DLG2: variants seen among roughly 807,000 people sequenced by gnomAD.
The protein encoded by DLG2 is discs large MAGUK scaffold protein 2, also known as disks large homolog 2.
DLG2 carries 45 observed loss-of-function variants against 132.5 expected under a neutral mutation model. That is an observed-to-expected ratio of 0.34 (90% CI 0.27 to 0.44). The LOEUF is 0.44. DLG2 is among the 20% of genes least tolerant of loss of function. The probability of loss-of-function intolerance (pLI) is 1.00; values close to 1 mark genes in which losing one functional copy is unlikely to be tolerated. For synonymous variants in DLG2, 424 were observed against 419.6 expected (o/e 1.01, Z -0.13); for missense variants, 1,045 against 1,196.9 (o/e 0.87, Z 1.87).
intron 3 of DLG2, among the ~76,000 whole-genome samples, chr11:85,561,565 C>T (rs1284234971): frequency 6.6e-6 from 1 of 151,434 alleles, no homozygotes; most frequent in African/African-American, 2.4e-5. Context: ...AGTAATAGTA[C>T]AATGAAGGCA....
intron 6 of DLG2, among the ~76,000 whole-genome samples, chr11:84,735,150 C>T (rs949030300): frequency 6.6e-6 from 1 of 152,104 alleles, no homozygotes; most frequent in Admixed American, 6.6e-5. Context: ...ATGCTGGGCT[C>T]ATAAAATGAG....
rs781411791 is a variant in DLG2, at chr11:84,591,223, C to CTGTGTGTGTGTGTGTG, written c.358-56508_358-56493dup. On this transcript the variant is annotated intron_variant, in intron 6 of 27. Coordinates refer to ENST00000376104, the MANE Select transcript of DLG2 (RefSeq NM_001142699.3). ...TAAACACTGCTATATATGTGTCTCT[C>CTGTGTGTGTGTGTGTG]TGTGTGTGTGTGTGTGTGTGTGTGT... is the stretch of plus-strand genomic sequence containing the variant. Among the ~76,000 whole-genome samples the CTGTGTGTGTGTGTGTG allele has an allele frequency of 2.5e-3, 355 of 139,276 alleles. 1 individual carries two copies. Among genetic ancestry groups the CTGTGTGTGTGTGTGTG allele is most frequent in the Middle Eastern group, 0.022 (6 of 276 alleles). The allele number at this position is 139,276 out of a possible 152,430, so 91.4% of individuals were successfully genotyped here.
At chr11:84,654,195 A>G (rs1373300242) in intron 6 of DLG2, among the ~76,000 whole-genome samples, 2 of 152,076 alleles carry the variant, frequency 1.3e-5, no homozygotes, top group East Asian at 3.9e-4. Flanking sequence ...TGTAACCCCC[A>G]TATCCTCCTT....
intron 21 of DLG2, among the ~76,000 whole-genome samples, chr11:83,527,236 T>G (rs1306986096): frequency 6.6e-6 from 1 of 152,164 alleles, no homozygotes; most frequent in Non-Finnish European, 1.5e-5. Flanking sequence ...CCAGTTCAAT[T>G]TACTTCTTTA....
chr11:84,901,060 T>G lies in DLG2; in HGVS notation c.357+210601A>C, dbSNP rs561692763. 5.8e-4 allele frequency among the ~76,000 whole-genome samples: 88 copies of G among 152,070 alleles called. 1 individual carries two copies. Among genetic ancestry groups the G allele is most frequent in the Non-Finnish European group, 9.6e-4 (65 of 67,976 alleles). ...TAACAAAATAAAAGGTAGAATAAAA[T>G]GTTTTTAATGTAAAAGAAAAAGCAA... On this transcript the variant is annotated intron_variant, in intron 6 of 27. Transcript: ENST00000376104.
intron 6 of DLG2, among the ~76,000 whole-genome samples, chr11:85,039,616 G>A (rs2061682526): frequency 6.6e-6 from 1 of 151,762 alleles, no homozygotes; most frequent in Non-Finnish European, 1.5e-5. Context: ...CTGCAAAACA[G>A]TACTATATTA....
At position 83,840,779 on chromosome 11, in the gene DLG2, T is replaced by C. The variant is rs892292595; in HGVS notation, c.1566-7009A>G. On this transcript the variant is annotated intron_variant, in intron 16 of 27. Transcript: ENST00000376104. ...CTGCCAGTGTGAGACTCTGCCTTGT[T>C]AGAAGTTTGATGGTGCATTTGACAT... Among the ~76,000 whole-genome samples the C allele has an allele frequency of 2.0e-5, 3 of 152,362 alleles. No individual in the cohort carries two copies. The South Asian group carries it at 6.2e-4, about 32-fold the overall frequency.
chr11:83,981,167 T>A (rs1212148129), intron 11 of DLG2, among the ~76,000 whole-genome samples: 1 of 152,172 alleles, frequency 6.6e-6, no homozygotes, highest in African/African-American at 2.4e-5. Flanking sequence ...GCAAGAGCCA[T>A]GAATAAGTTA....
intron 3 of DLG2, among the ~76,000 whole-genome samples, chr11:85,594,629 TAA>T (rs1169612032): frequency 2.6e-5 from 4 of 152,158 alleles, no homozygotes; most frequent in African/African-American, 9.6e-5. Context: ...TAATTTTCAA[TAA>T]GTTACAAAAA....
At chr11:85,482,376 T>C (rs1160468154) in intron 3 of DLG2, among the ~76,000 whole-genome samples, 1 of 152,064 alleles carries the variant, frequency 6.6e-6, no homozygotes, top group African/African-American at 2.4e-5. Context: ...GCCTTCCCAG[T>C]GCAAGGCCAG....
At chr11:84,642,065 C>CAT (rs34760163) in intron 6 of DLG2, among the ~76,000 whole-genome samples, 20,226 of 138,148 alleles carry the variant, frequency 0.15, 1,680 homozygotes, top group African/African-American at 0.24. Context: ...TATACGCACG[C>CAT]GTGTGTGTGT....
intron 26 of DLG2, among the ~76,000 whole-genome samples, chr11:83,462,702 C>T (rs1334108519): frequency 3.3e-5 from 5 of 151,980 alleles, no homozygotes; most frequent in Admixed American, 3.3e-4. Context: ...TGTAATGTTC[C>T]CAAAACATTT....
chr11:83,815,007 T>A (rs1466881271), intron 17 of DLG2: 2 of 156,516 alleles, frequency 1.3e-5, no homozygotes, highest in African/African-American at 4.8e-5. Flanking sequence ...ACTCAATTTC[T>A]AAGCTACATA....
At chr11:85,613,034 A>G (rs2081106261) in intron 2 of DLG2, among the ~76,000 whole-genome samples, 1 of 152,192 alleles carries the variant, frequency 6.6e-6, no homozygotes, top group East Asian at 1.9e-4. Context: ...CCAGTCAGGG[A>G]TAGTATGAGA....
At chr11:85,423,310 C>A (rs2090462123) in intron 3 of DLG2, among the ~76,000 whole-genome samples, 1 of 152,164 alleles carries the variant, frequency 6.6e-6, no homozygotes, top group South Asian at 2.1e-4. Context: ...CTGTGGATAC[C>A]AGCACCTTTT....
intron 6 of DLG2, among the ~76,000 whole-genome samples, chr11:84,614,482 C>G (rs1333118500): frequency 6.6e-6 from 1 of 152,138 alleles, no homozygotes; most frequent in African/African-American, 2.4e-5. Context: ...ATTATAGTGT[C>G]TGAATTTTAA....
intron 15 of DLG2, among the ~76,000 whole-genome samples, chr11:83,901,015 A>G (rs1253773396): frequency 6.6e-6 from 1 of 152,216 alleles, no homozygotes; most frequent in Non-Finnish European, 1.5e-5. Flanking sequence ...ATGGAGTCAA[A>G]GGAGATCATT....
intron 6 of DLG2, among the ~76,000 whole-genome samples, chr11:84,608,192 G>C (rs551663800): frequency 6.6e-6 from 1 of 152,154 alleles, no homozygotes; most frequent in Non-Finnish European, 1.5e-5. Flanking sequence ...CCCTGGCACT[G>C]GCCAGTGAGC....
intron 9 of DLG2, among the ~76,000 whole-genome samples, chr11:84,115,751 C>G (rs753128558): frequency 4.6e-5 from 7 of 152,214 alleles, no homozygotes; most frequent in Non-Finnish European, 8.8e-5. Context: ...CTCATTACCA[C>G]CTTTGGTCAC....
Sources: gnomAD v4.1 joint callset for allele counts (sites outside exome capture counted in the v4.1 genomes callset) on GRCh38, gnomAD v4.1.1 for gene constraint, MANE v1.5 for transcripts, NCBI Gene and HGNC (gene_info 2026-07-23, HGNC 2026-07-21) for gene names.